The following EIF4E3 variants were observed in gnomAD, a reference collection of about 807,000 sequenced individuals.
The protein encoded by EIF4E3 is eukaryotic translation initiation factor 4E family member 3.
In EIF4E3, 26 loss-of-function variants were observed where a neutral mutation model predicts 31.7. The ratio of observed to expected loss-of-function variants is 0.82; its 90% CI spans 0.60 to 1.14. The LOEUF (loss-of-function observed/expected upper bound fraction) is 1.14. Among genes scored for constraint, EIF4E3 ranks in the 50% most tolerant of loss-of-function variants. The pLI, the probability that EIF4E3 is intolerant of heterozygous loss-of-function variation, is 0.00. For missense variants in EIF4E3, 304 were observed against 270.9 expected, an observed-to-expected ratio of 1.12 and a Z score of -0.86; for synonymous variants, 128 against 107.7, an observed-to-expected ratio of 1.19 and a Z score of -1.17.
chr3:71,735,780 T>G (rs968457298), intron 1 of EIF4E3, among the ~76,000 whole-genome samples: 1 of 150,766 alleles, frequency 6.6e-6, no homozygotes, highest in Non-Finnish European at 1.5e-5. Flanking sequence ...TTTTTTTTTT[T>G]CAAGTGAAGA....
At chr3:71,675,380 T>C (rs966897353), downstream of EIF4E3, 1 of 152,204 alleles carries the variant, frequency 6.6e-6, no homozygotes, top group African/African-American at 2.4e-5. Context: ...TGTCTGCAGA[T>C]TGGGCACTCA....
At chr3:71,671,806 A>ATT (rs10711091), downstream of EIF4E3, among the ~76,000 whole-genome samples, 5 of 147,442 alleles carry the variant, frequency 3.4e-5, no homozygotes, top group South Asian at 2.1e-4. Flanking sequence ...TAAACCCTCC[A>ATT]TTTTTTTTTT....
chr3:71,680,232 T>G lies in EIF4E3; in HGVS notation c.*4450A>C, dbSNP rs548208746. On this transcript the variant is annotated 3_prime_UTR_variant, in exon 7 of 7. Coordinates refer to ENST00000425534, the MANE Select transcript of EIF4E3 (RefSeq NM_001134651.2). Reference sequence around the variant, plus strand: ...TTTCCTCATTTGTCATATGTGGGAGTTGGATAAAATCAGGGGTTCTCCAAG... The same window carrying G: ...TTTCCTCATTTGTCATATGTGGGAGGTGGATAAAATCAGGGGTTCTCCAAG... 60 of 152,168 alleles carry G rather than the reference T, an allele frequency of 3.9e-4. No individual in the cohort carries two copies. The highest frequency in any genetic ancestry group is 1.3e-3 in the African/African-American group (53 of 41,506). 9.4% of individuals were successfully genotyped at this position (152,168 alleles called of 1,614,324 possible). A position where few individuals can be genotyped will look rare whatever the true frequency, so the allele number is the denominator to read the frequency against.
chr3:71,703,600 C>T (rs2049248379), intron 2 of EIF4E3, among the ~76,000 whole-genome samples: 1 of 152,020 alleles, frequency 6.6e-6, no homozygotes, highest in Admixed American at 6.6e-5. Context: ...GCAACTATGC[C>T]CCACCTTACA....
At chr3:71,708,589 G>A (rs1017276708) in intron 2 of EIF4E3, among the ~76,000 whole-genome samples, 5 of 152,018 alleles carry the variant, frequency 3.3e-5, no homozygotes, top group African/African-American at 7.3e-5. Flanking sequence ...ATCTCGTGGG[G>A]TCAGGAAAAC....
At chr3:71,693,801 C>CA in intron 5 of EIF4E3, 74 bp downstream of exon 5, 1 of 1,328,540 alleles carries the variant, frequency 7.5e-7, no homozygotes, top group Non-Finnish European at 1.0e-6. Context: ...CACGTGATAA[C>CA]AAGCTGCTGC....
At chr3:71,754,550 G>T (rs1400920081), upstream of EIF4E3, 2 of 1,357,914 alleles carry the variant, frequency 1.5e-6, no homozygotes, top group Non-Finnish European at 1.9e-6. The surrounding 1 kb of genome is among the most constrained non-coding windows in gnomAD (Gnocchi z 5.8). Flanking sequence ...GCGACGACGA[G>T]GACGCGCCGT....
downstream of EIF4E3, among the ~76,000 whole-genome samples, chr3:71,674,402 C>A (rs60030126): frequency 0.058 from 8,742 of 152,014 alleles, 725 homozygotes; most frequent in East Asian, 0.41. Context: ...CCACTGCGCC[C>A]GACCCTGAAC....
In EIF4E3 at chr3:71,725,281, C is replaced by G; in HGVS notation, c.87G>C (p.Glu29Asp). 2 of 1,017,178 alleles carry G rather than the reference C, an allele frequency of 2.0e-6. No homozygotes were observed. The highest frequency in any genetic ancestry group is 3.5e-5 in the African/African-American group (2 of 57,504). 63.0% of individuals were successfully genotyped at this position (1,017,178 alleles called of 1,614,324 possible). The change falls in exon 1 of 7, where the codon GAG becomes GAC. Residue 29 changes from glutamate (E) to aspartate (D), a missense_variant. Coordinates refer to ENST00000425534, the MANE Select transcript of EIF4E3 (RefSeq NM_001134651.2). The surrounding 1 kb of genome is among the most constrained non-coding windows in gnomAD (Gnocchi z 6.1). ...ACAGCTGCTGCAGGCCGAGCGGCGGCTCGGGGGCGGCGGCAGCGGCGGCGG... is the reference window on the plus strand; with the variant it reads ...ACAGCTGCTGCAGGCCGAGCGGCGGGTCGGGGGCGGCGGCAGCGGCGGCGG... ...SRAAAAAAAP[E>D]PPLGLQQLSA...
intron 1 of EIF4E3, among the ~76,000 whole-genome samples, chr3:71,719,535 G>GAA (rs1007923173): frequency 3.2e-5 from 4 of 126,356 alleles, no homozygotes; most frequent in African/African-American, 8.8e-5. Context: ...CCTTTCTGAT[G>GAA]AAAAAAAAAA....
intron 1 of EIF4E3, among the ~76,000 whole-genome samples, chr3:71,732,134 G>T (rs1402596): frequency 6.6e-6 from 1 of 152,048 alleles, no homozygotes. Flanking sequence ...GGGAGACCCA[G>T]CTTTACTGAA....
chr3:71,684,843 C>G (rs1484791652), intron 6 of EIF4E3, 115 bp from the exon 7 acceptor site: 4 of 961,938 alleles, frequency 4.2e-6, no homozygotes, highest in Non-Finnish European at 6.1e-6. Flanking sequence ...GGCAAGAACT[C>G]AAACACCTTA....
intron 2 of EIF4E3, among the ~76,000 whole-genome samples, chr3:71,705,390 G>A (rs533801842): frequency 1.3e-5 from 2 of 152,288 alleles, no homozygotes; most frequent in Non-Finnish European, 2.9e-5. Flanking sequence ...CACAGGATAG[G>A]TTTGGCATAT....
intron 1 of EIF4E3, among the ~76,000 whole-genome samples, chr3:71,737,143 C>A (rs1245521978): frequency 6.6e-6 from 1 of 152,184 alleles, no homozygotes; most frequent in African/African-American, 2.4e-5. Context: ...ACATTCCCAT[C>A]ATCACCCAGC....
chr3:71,665,885 A>G, the EIF4E3 span, among the ~76,000 whole-genome samples: 1 of 152,350 alleles, frequency 6.6e-6, no homozygotes, highest in East Asian at 1.9e-4. Flanking sequence ...GAAATAAGTA[A>G]GTTCTTTGAA....
At chr3:71,692,163 A>G (rs2049071901) in intron 5 of EIF4E3, among the ~76,000 whole-genome samples, 1 of 152,232 alleles carries the variant, frequency 6.6e-6, no homozygotes, top group Non-Finnish European at 1.5e-5. Context: ...TGTAATATTC[A>G]TAAGTAGAAT....
intron 1 of EIF4E3, among the ~76,000 whole-genome samples, chr3:71,750,282 GAC>G (rs1323142247): frequency 2.6e-5 from 4 of 152,082 alleles, no homozygotes; most frequent in African/African-American, 9.7e-5. Flanking sequence ...TTCATAAATG[GAC>G]ACATTTGAGA....
rs2108003540 is a variant in EIF4E3 at position 71,683,560 on chromosome 3, T to A, written c.*1122A>T. On this transcript the variant is annotated 3_prime_UTR_variant, in exon 7 of 7. Coordinates refer to ENST00000425534, the MANE Select transcript of EIF4E3 (RefSeq NM_001134651.2). ...CTTTGGTAGCATAATACAATATATATCAACAATCCCAATAATTCATATGAG... is the reference window on the plus strand; with the variant it reads ...CTTTGGTAGCATAATACAATATATAACAACAATCCCAATAATTCATATGAG... 1 of 152,290 alleles carries A rather than the reference T, an allele frequency of 6.6e-6. No individual in the cohort carries two copies. Among genetic ancestry groups the A allele is most frequent in the East Asian group, 1.9e-4 (1 of 5,192 alleles). 9.4% of individuals were successfully genotyped at this position (152,290 alleles called of 1,614,324 possible). A position where few individuals can be genotyped will look rare whatever the true frequency, so the allele number is the denominator to read the frequency against.
At chr3:71,725,775 G>T (rs1180640056), upstream of EIF4E3, among the ~76,000 whole-genome samples, 1 of 152,170 alleles carries the variant, frequency 6.6e-6, no homozygotes, top group Non-Finnish European at 1.5e-5. The surrounding 1 kb of genome is among the most constrained non-coding windows in gnomAD (Gnocchi z 6.1). Flanking sequence ...GCAGGCTAGG[G>T]ACAGATGGAG....
Sources: gnomAD v4.1 joint callset for allele counts (sites outside exome capture counted in the v4.1 genomes callset) on GRCh38, gnomAD v4.1.1 for gene constraint, Gnocchi (gnomAD v3.1) non-coding constraint, MANE v1.5 for transcripts, NCBI Gene and HGNC (gene_info 2026-07-23, HGNC 2026-07-21) for gene names.